The following CNTNAP2 variants were observed in gnomAD, a reference collection of about 807,000 sequenced individuals.
CNTNAP2 encodes the protein contactin-associated protein-like 2.
Under a neutral mutation model 155.2 loss-of-function variants are expected in CNTNAP2, and 98 were observed. That is an observed-to-expected ratio of 0.63 (90% CI 0.54 to 0.75). The LOEUF is 0.75. Ranked by LOEUF, CNTNAP2 falls within the 30% of genes least tolerant of loss-of-function variation. The probability of loss-of-function intolerance (pLI) is 0.00; values close to 1 mark genes in which losing one functional copy is unlikely to be tolerated. For synonymous variants in CNTNAP2, 651 were observed against 631.2 expected, an observed-to-expected ratio of 1.03 and a Z score of -0.47; for missense variants, 1,727 against 1,688.1, an observed-to-expected ratio of 1.02 and a Z score of -0.40.
rs1486311461 is a variant in CNTNAP2, at chr7:148,375,869, C to T, written c.3476-7780C>T. Reference sequence around the variant, plus strand: ...AAAAAAAATTAGCCAGACATGGTGGCGGGCGCCTGTAATCTCAGCTATTCG... The same window carrying T: ...AAAAAAAATTAGCCAGACATGGTGGTGGGCGCCTGTAATCTCAGCTATTCG... On this transcript the variant is annotated intron_variant, in intron 21 of 23. Transcript: ENST00000361727. 2.7e-4 allele frequency among the ~76,000 whole-genome samples: 7 copies of T among 26,028 alleles called. 2 individuals carry two copies. The highest frequency in any genetic ancestry group is 2.0e-3 in the South Asian group (2 of 998). 17.1% of individuals were successfully genotyped at this position (26,028 alleles called of 152,430 possible).
At chr7:146,368,890 A>G (rs1795192251) in intron 1 of CNTNAP2, among the ~76,000 whole-genome samples, 1 of 150,462 alleles carries the variant, frequency 6.6e-6, no homozygotes, top group South Asian at 2.1e-4. Flanking sequence ...ATGATATGCC[A>G]TTCTTCCATA....
At chr7:146,870,596 T>C (rs967669754) in intron 3 of CNTNAP2, among the ~76,000 whole-genome samples, 3 of 152,180 alleles carry the variant, frequency 2.0e-5, no homozygotes, top group African/African-American at 7.2e-5. Flanking sequence ...TAATCAAATA[T>C]ATGTTTTGTA....
At chr7:146,433,749 G>T (rs1317681892) in intron 1 of CNTNAP2, among the ~76,000 whole-genome samples, 1 of 152,140 alleles carries the variant, frequency 6.6e-6, no homozygotes, top group South Asian at 2.1e-4. Context: ...AACATGGAGA[G>T]CAGAGTCTTG....
chr7:146,346,709 G>T (rs1297570364), intron 1 of CNTNAP2, among the ~76,000 whole-genome samples: 1 of 151,056 alleles, frequency 6.6e-6, no homozygotes, highest in Non-Finnish European at 1.5e-5. Context: ...TCGGTCCAAA[G>T]GAAAAAAAAA....
chr7:147,690,654 G>A (rs1796075246), intron 13 of CNTNAP2, among the ~76,000 whole-genome samples: 1 of 152,116 alleles, frequency 6.6e-6, no homozygotes, highest in Non-Finnish European at 1.5e-5. Context: ...ATTCTGGACT[G>A]TTGGGGTGGG....
At chr7:148,110,440 C>A (rs1000878401) in intron 15 of CNTNAP2, among the ~76,000 whole-genome samples, 5 of 152,048 alleles carry the variant, frequency 3.3e-5, no homozygotes, top group Non-Finnish European at 7.4e-5. Flanking sequence ...TCCCACCCCC[C>A]ACCACCTCAT....
At chr7:148,188,342 C>T (rs1378389685) in intron 18 of CNTNAP2, among the ~76,000 whole-genome samples, 2 of 152,148 alleles carry the variant, frequency 1.3e-5, no homozygotes, top group Non-Finnish European at 2.9e-5. Flanking sequence ...CAAGTCCTTA[C>T]CCAGAAGAGC....
chr7:147,043,726 A>C (rs956115879), intron 3 of CNTNAP2, among the ~76,000 whole-genome samples, 181 bp from the exon 4 acceptor site: 2 of 152,236 alleles, frequency 1.3e-5, no homozygotes, highest in Non-Finnish European at 2.9e-5. Context: ...CCTGTTTTCC[A>C]CTTAAAACTG....
intron 12 of CNTNAP2, among the ~76,000 whole-genome samples, chr7:147,613,400 A>G (rs1435522315): frequency 6.6e-6 from 1 of 152,222 alleles, no homozygotes; most frequent in Non-Finnish European, 1.5e-5. Flanking sequence ...TGTTAGACAT[A>G]TATCTTACAA....
At chr7:146,362,367 G>GTC (rs1425961730) in intron 1 of CNTNAP2, among the ~76,000 whole-genome samples, 1 of 152,138 alleles carries the variant, frequency 6.6e-6, no homozygotes, top group African/African-American at 2.4e-5. Flanking sequence ...TGAGGTCCAA[G>GTC]GTAGACAGCA....
intron 1 of CNTNAP2, among the ~76,000 whole-genome samples, chr7:146,497,854 A>C (rs992583602): frequency 1.5e-4 from 23 of 148,544 alleles, no homozygotes; most frequent in Admixed American, 2.7e-4. Context: ...AAGTAATCAT[A>C]TATATGGTTT....
chr7:147,865,388 CT>C (rs898328685), intron 13 of CNTNAP2, among the ~76,000 whole-genome samples: 6 of 152,064 alleles, frequency 3.9e-5, no homozygotes, highest in African/African-American at 1.4e-4. Context: ...CTAAAATTCT[CT>C]TTTTTTGTTG....
At chr7:146,200,365 G>A (rs376752793) in intron 1 of CNTNAP2, among the ~76,000 whole-genome samples, 29 of 152,104 alleles carry the variant, frequency 1.9e-4, no homozygotes, top group South Asian at 1.7e-3. Context: ...ATGGTGGTAC[G>A]TGCCTGTAGT....
At chr7:148,369,181 C>CTTT (rs376460265) in intron 21 of CNTNAP2, among the ~76,000 whole-genome samples, 5 of 92,348 alleles carry the variant, frequency 5.4e-5, no homozygotes, top group Admixed American at 1.7e-4. Context: ...AATTGAATCC[C>CTTT]TTTTTTTTTT....
At chr7:146,264,173 G>T (rs778547145) in intron 1 of CNTNAP2, among the ~76,000 whole-genome samples, 1 of 152,158 alleles carries the variant, frequency 6.6e-6, no homozygotes, top group African/African-American at 2.4e-5. Flanking sequence ...GCCAGGAGGG[G>T]TGGCTCATGC....
At chr7:146,347,994 C>T (rs958120960) in intron 1 of CNTNAP2, among the ~76,000 whole-genome samples, 2 of 152,086 alleles carry the variant, frequency 1.3e-5, no homozygotes, top group African/African-American at 2.4e-5. Context: ...AACGGCCCTG[C>T]GAGACTAAAC....
intron 1 of CNTNAP2, among the ~76,000 whole-genome samples, chr7:146,313,695 A>G (rs1351660782): frequency 2.6e-5 from 4 of 152,104 alleles, no homozygotes; most frequent in Non-Finnish European, 5.9e-5. Flanking sequence ...TAAGTCCTTT[A>G]TCAATTTTAA....
At chr7:147,138,773 A>T (rs1005371923) in intron 8 of CNTNAP2, among the ~76,000 whole-genome samples, 1 of 152,034 alleles carries the variant, frequency 6.6e-6, no homozygotes, top group Admixed American at 6.6e-5. Flanking sequence ...AATATTTTTG[A>T]GCCTTTTAAA....
At chr7:146,777,903 A>ATT (rs71165038) in intron 2 of CNTNAP2, among the ~76,000 whole-genome samples, 1 of 150,062 alleles carries the variant, frequency 6.7e-6, no homozygotes, top group Non-Finnish European at 1.5e-5. Context: ...GAGAAAAGAG[A>ATT]TTTTTTTTTT....
Sources: gnomAD v4.1 joint callset for allele counts (sites outside exome capture counted in the v4.1 genomes callset) on GRCh38, gnomAD v4.1.1 for gene constraint, MANE v1.5 for transcripts, NCBI Gene and HGNC (gene_info 2026-07-23, HGNC 2026-07-21) for gene names.